Variants in PDE1C observed in about 807,000 individuals in gnomAD.
PDE1C encodes phosphodiesterase 1C.
A neutral mutation model predicts 93.1 loss-of-function variants in PDE1C; 62 were observed. That is an observed-to-expected ratio of 0.67 (90% CI 0.54 to 0.82). PDE1C has a LOEUF of 0.82. Among genes scored for constraint, PDE1C ranks in the 40% least tolerant of loss-of-function variants. PDE1C has a pLI of 0.00. For missense variants in PDE1C, 742 were observed against 884.6 expected, an observed-to-expected ratio of 0.84 and a Z score of 2.04; for synonymous variants, 325 against 310.1, an observed-to-expected ratio of 1.05 and a Z score of -0.50.
chr7:32,218,585 G>C (rs1213187889), intron 1 of PDE1C, among the ~76,000 whole-genome samples: 1 of 152,110 alleles, frequency 6.6e-6, no homozygotes, highest in Non-Finnish European at 1.5e-5. Flanking sequence ...CTTTTAGTTT[G>C]GAAGAATTTG....
intron 7 of PDE1C, among the ~76,000 whole-genome samples, chr7:31,864,604 TATC>T (rs1795062839): frequency 6.6e-6 from 1 of 152,226 alleles, no homozygotes; most frequent in African/African-American, 2.4e-5. Flanking sequence ...TATACATGAA[TATC>T]ATTGTTATTG....
At chr7:32,177,388 C>T (rs1012530289) in intron 2 of PDE1C, among the ~76,000 whole-genome samples, 3 of 152,166 alleles carry the variant, frequency 2.0e-5, no homozygotes, top group African/African-American at 7.2e-5. Context: ...TAAACTTGAG[C>T]TGTAACATCT....
intron 2 of PDE1C, among the ~76,000 whole-genome samples, chr7:31,971,040 G>T (rs548704833): frequency 6.6e-6 from 1 of 152,312 alleles, no homozygotes; most frequent in Middle Eastern, 3.4e-3. Flanking sequence ...TACTCCAGGG[G>T]CTGAGGTAGG....
the PDE1C span, among the ~76,000 whole-genome samples, chr7:31,635,135 T>C: frequency 6.6e-6 from 1 of 152,210 alleles, no homozygotes; most frequent in South Asian, 2.1e-4. Context: ...ATTTGTCTGT[T>C]TGTTTAATAA....
intron 1 of PDE1C, among the ~76,000 whole-genome samples, chr7:32,223,860 G>A (rs562472997): frequency 3.3e-5 from 5 of 152,190 alleles, no homozygotes; most frequent in East Asian, 1.9e-4. Flanking sequence ...ATAGGCTCCC[G>A]GCAGCTTCCT....
At chr7:31,832,927 C>T (rs1375467305) in intron 11 of PDE1C, among the ~76,000 whole-genome samples, 2 of 152,128 alleles carry the variant, frequency 1.3e-5, no homozygotes, top group Non-Finnish European at 2.9e-5. Flanking sequence ...ATTATCTATC[C>T]TTTCGCCATG....
At chr7:31,991,667 T>C (rs1358638296) in intron 2 of PDE1C, among the ~76,000 whole-genome samples, 2 of 152,150 alleles carry the variant, frequency 1.3e-5, no homozygotes, top group Non-Finnish European at 2.9e-5. Flanking sequence ...TATCTTGGCC[T>C]ATGGAAAAAA....
chr7:31,616,813 C>T, the PDE1C span, among the ~76,000 whole-genome samples: 33 of 152,002 alleles, frequency 2.2e-4, no homozygotes, highest in African/African-American at 7.5e-4. Context: ...AGCATAAAAA[C>T]ATTAGATTGT....
At chr7:31,671,280 C>T in the PDE1C span, among the ~76,000 whole-genome samples, 24 of 152,274 alleles carry the variant, frequency 1.6e-4, no homozygotes, top group African/African-American at 4.3e-4. Context: ...GATTCTGCCA[C>T]GGGGCCAGCA....
chr7:32,083,160 G>A (rs1261381245), intron 3 of PDE1C, among the ~76,000 whole-genome samples: 6 of 152,174 alleles, frequency 3.9e-5, no homozygotes, highest in Non-Finnish European at 7.3e-5. Flanking sequence ...GTGCTTAAAG[G>A]AGGATGAAGC....
intron 1 of PDE1C, among the ~76,000 whole-genome samples, chr7:32,331,460 G>T (rs1159191416): frequency 6.6e-6 from 1 of 152,220 alleles, no homozygotes; most frequent in Non-Finnish European, 1.5e-5. Context: ...AGGAAAGGAT[G>T]GAGGTCATGA....
chr7:32,244,394 C>T (rs1808763770), intron 1 of PDE1C, among the ~76,000 whole-genome samples: 1 of 152,230 alleles, frequency 6.6e-6, no homozygotes, highest in South Asian at 2.1e-4. Flanking sequence ...CTTTCAAGCA[C>T]TCTCAGTATT....
intron 3 of PDE1C, among the ~76,000 whole-genome samples, chr7:32,119,220 A>T (rs1799156404): frequency 6.6e-6 from 1 of 152,186 alleles, no homozygotes; most frequent in African/African-American, 2.4e-5. Context: ...ACTGGAAGGA[A>T]GGGAGACTGC....
the PDE1C span, among the ~76,000 whole-genome samples, chr7:31,659,657 T>A: frequency 1.3e-5 from 2 of 152,228 alleles, no homozygotes; most frequent in African/African-American, 2.4e-5. Flanking sequence ...CTCTGAAAAC[T>A]CCTTATTAAA....
At chr7:31,776,611 C>A (rs903335303) in intron 16 of PDE1C, among the ~76,000 whole-genome samples, 1 of 152,030 alleles carries the variant, frequency 6.6e-6, no homozygotes, top group Non-Finnish European at 1.5e-5. Context: ...TATATACATA[C>A]GCATATATTT....
At chr7:32,411,717 C>T (rs1033097216) in intron 1 of PDE1C, among the ~76,000 whole-genome samples, 2 of 152,034 alleles carry the variant, frequency 1.3e-5, no homozygotes, top group South Asian at 4.1e-4. Context: ...AATAAGCTAA[C>T]CTTAGCTTAC....
chr7:32,390,601 C>A (rs1585139016), intron 1 of PDE1C, among the ~76,000 whole-genome samples: 2 of 150,462 alleles, frequency 1.3e-5, no homozygotes, highest in Non-Finnish European at 2.9e-5. Flanking sequence ...AATCCCAGCA[C>A]TTTAGGAGGC....
rs551241793 is a variant in PDE1C at position 32,269,408 on chromosome 7, T to C, written c.85+29243A>G. On this transcript the variant is annotated intron_variant, in intron 1 of 18. Coordinates refer to the PDE1C transcript ENST00000396193. ...TTAAAAATGATGATGTGAATCTGTA[T>C]ATATGCATATGGCAGGGAGTGTAGG... 2.6e-5 allele frequency among the ~76,000 whole-genome samples: 4 copies of C among 152,322 alleles called. No homozygotes were observed. The East Asian group carries it at 5.8e-4, about 22-fold the overall frequency.
intron 15 of PDE1C, among the ~76,000 whole-genome samples, chr7:31,813,724 G>C (rs1432025281): frequency 6.6e-6 from 1 of 151,886 alleles, no homozygotes; most frequent in African/African-American, 2.4e-5. Context: ...AAGTTATTTA[G>C]TGGTGATTTG....
Sources: allele counts gnomAD v4.1 joint callset (sites outside exome capture counted in the v4.1 genomes callset), GRCh38; gene constraint gnomAD v4.1.1; transcripts MANE v1.5; gene names NCBI Gene and HGNC (gene_info 2026-07-23, HGNC 2026-07-21).